Variants in PPFIBP1 observed in about 807,000 individuals in gnomAD.
The protein encoded by PPFIBP1 is liprin-beta-1.
In PPFIBP1, 112 loss-of-function variants were observed where a neutral mutation model predicts 137.8. The observed-to-expected ratio is 0.81, with a 90% CI of 0.70 to 0.95. PPFIBP1 has a LOEUF of 0.95. Among genes scored for constraint, PPFIBP1 ranks in the 40% least tolerant of loss-of-function variants. The probability of loss-of-function intolerance (pLI) is 0.00; values close to 1 mark genes in which losing one functional copy is unlikely to be tolerated. For missense variants in PPFIBP1, 1,083 were observed against 1,196.6 expected (o/e 0.91, Z 1.40); for synonymous variants, 378 against 417.3 (o/e 0.91, Z 1.15).
At chr12:27,688,250 C>G (rs780002450) in intron 25 of PPFIBP1, 48 bp from the exon 26 acceptor site, 3 of 1,595,368 alleles carry the variant, frequency 1.9e-6, no homozygotes, top group Non-Finnish European at 1.7e-6. Flanking sequence ...ACTTTTTAGA[C>G]AGAAAATGCA....
chr12:27,524,394 G>A (rs1298014917), intron 1 of PPFIBP1, 29 bp downstream of exon 1: 2 of 152,168 alleles, frequency 1.3e-5, no homozygotes, highest in African/African-American at 2.4e-5. Flanking sequence ...ACTCCCAGAC[G>A]GGAGGGAAGT....
intron 2 of PPFIBP1, among the ~76,000 whole-genome samples, chr12:27,604,013 C>G (rs962029310): frequency 6.6e-6 from 1 of 152,092 alleles, no homozygotes. Flanking sequence ...TACTACTTAT[C>G]CTTAAAGGAC....
chr12:27,685,251 G>A (rs1465608169), intron 24 of PPFIBP1, among the ~76,000 whole-genome samples: 1 of 150,894 alleles, frequency 6.6e-6, no homozygotes, highest in African/African-American at 2.4e-5. Context: ...ACACATATAT[G>A]CATGTTTGTA....
chr12:27,660,423 A>C (rs2059468008), intron 10 of PPFIBP1, among the ~76,000 whole-genome samples: 1 of 152,212 alleles, frequency 6.6e-6, no homozygotes, highest in African/African-American at 2.4e-5. Flanking sequence ...ACTCATGTAA[A>C]TACTACAAGC....
chr12:27,546,353 A>C (rs929698569), intron 1 of PPFIBP1, among the ~76,000 whole-genome samples: 3 of 152,238 alleles, frequency 2.0e-5, no homozygotes, highest in African/African-American at 7.2e-5. Flanking sequence ...AAATGAGATC[A>C]CATGTAAAAT....
chr12:27,688,888 C>T (rs999061775), intron 26 of PPFIBP1, 127 bp from the exon 27 acceptor site: 15 of 825,194 alleles, frequency 1.8e-5, no homozygotes, highest in Non-Finnish European at 2.8e-5. Context: ...TTGTGTCTAC[C>T]TCACCGGGCT....
At chr12:27,594,122 G>A in intron 2 of PPFIBP1, 1 of 779,128 alleles carries the variant, frequency 1.3e-6, no homozygotes, top group Non-Finnish European at 1.8e-6. Flanking sequence ...GGTGGGACCG[G>A]GGAGAAGAGA....
At chr12:27,544,649 C>G (rs1380943350) in intron 1 of PPFIBP1, among the ~76,000 whole-genome samples, 4 of 152,186 alleles carry the variant, frequency 2.6e-5, no homozygotes, top group Non-Finnish European at 5.9e-5. Context: ...AAAAGCTCAT[C>G]ATCACTGATC....
At chr12:27,685,544 G>T (rs2061154922) in intron 24 of PPFIBP1, among the ~76,000 whole-genome samples, 1 of 152,056 alleles carries the variant, frequency 6.6e-6, no homozygotes, top group Non-Finnish European at 1.5e-5. Context: ...CCCTGAGAAT[G>T]TGAACAAATT....
intron 1 of PPFIBP1, among the ~76,000 whole-genome samples, chr12:27,543,880 C>CTTTTTTTT (rs35787446): frequency 9.5e-6 from 1 of 105,812 alleles, no homozygotes; most frequent in Non-Finnish European, 1.8e-5. Flanking sequence ...CCCGCCCCTG[C>CTTTTTTTT]TTTTTTTTTT....
intron 1 of PPFIBP1, among the ~76,000 whole-genome samples, chr12:27,544,621 G>C (rs1236951981): frequency 6.6e-6 from 1 of 152,102 alleles, no homozygotes; most frequent in Non-Finnish European, 1.5e-5. Context: ...CATTTATGTG[G>C]TCAACAAACA....
At chr12:27,571,482 T>C (rs1432894726) in intron 1 of PPFIBP1, among the ~76,000 whole-genome samples, 1 of 152,168 alleles carries the variant, frequency 6.6e-6, no homozygotes, top group East Asian at 1.9e-4. Context: ...CCATTTTTTT[T>C]TCCCTCAAAC....
intron 1 of PPFIBP1, among the ~76,000 whole-genome samples, chr12:27,568,209 T>A (rs970226113): frequency 6.6e-6 from 1 of 152,236 alleles, no homozygotes; most frequent in South Asian, 2.1e-4. Flanking sequence ...AGAGAAGTTG[T>A]CATTAATGCT....
At chr12:27,542,483 G>A (rs766965330) in intron 1 of PPFIBP1, among the ~76,000 whole-genome samples, 11 of 152,168 alleles carry the variant, frequency 7.2e-5, no homozygotes, top group East Asian at 1.9e-4. Context: ...TTAATTTTGC[G>A]CCCACCTAGT....
chr12:27,572,939 C>T lies in PPFIBP1; in HGVS notation c.-123-5213C>T, dbSNP rs530494169. ...CTTCACTTTCATTGCTAGGACTGAC[C>T]GCTGGCTTTTTTCTAACAATCCCAC... On this transcript the variant is annotated intron_variant, in intron 1 of 29. Transcript: ENST00000228425. Among the ~76,000 whole-genome samples, 17 of 152,156 alleles carry T rather than the reference C, an allele frequency of 1.1e-4. No individual in the cohort carries two copies. The South Asian group carries it at 1.2e-3, about 11-fold the overall frequency.
intron 7 of PPFIBP1, 25 bp downstream of exon 7, chr12:27,650,166 T>C (rs2058790027): frequency 9.1e-6 from 7 of 770,258 alleles, no homozygotes; most frequent in South Asian, 6.4e-5. Flanking sequence ...CTCTCCTCCC[T>C]CTCTCTCTCT....
chr12:27,662,171 T>A (rs761581795), intron 11 of PPFIBP1, among the ~76,000 whole-genome samples: 6 of 152,120 alleles, frequency 3.9e-5, no homozygotes, highest in South Asian at 2.1e-4. Flanking sequence ...GAGCAAGAGT[T>A]GTTCATCAGG....
At chr12:27,597,165 ATTATTTAT>A (rs896289826) in intron 2 of PPFIBP1, among the ~76,000 whole-genome samples, 4 of 152,106 alleles carry the variant, frequency 2.6e-5, no homozygotes, top group African/African-American at 7.2e-5. Flanking sequence ...TTATTTATTT[ATTATTTAT>A]TTATTTATTT....
intron 2 of PPFIBP1, among the ~76,000 whole-genome samples, chr12:27,631,298 T>C (rs1487237454): frequency 6.6e-6 from 1 of 152,166 alleles, no homozygotes; most frequent in East Asian, 1.9e-4. Flanking sequence ...AACTGGACGA[T>C]TTTGATTTGA....
Sources: allele counts gnomAD v4.1 joint callset (sites outside exome capture counted in the v4.1 genomes callset), GRCh38; gene constraint gnomAD v4.1.1; transcripts MANE v1.5; gene names NCBI Gene and HGNC (gene_info 2026-07-23, HGNC 2026-07-21).